The following DIAPH2 variants were observed in gnomAD, a reference collection of about 807,000 sequenced individuals.
The protein encoded by DIAPH2 is diaphanous related formin 2.
DIAPH2 carries 35 observed loss-of-function variants against 92.7 expected under a neutral mutation model. That is an observed-to-expected ratio of 0.38 (90% CI 0.29 to 0.50). The LOEUF is 0.50. DIAPH2 is among the 20% of genes least tolerant of loss of function. DIAPH2 has a pLI of 0.94. For synonymous variants in DIAPH2, 301 were observed against 280.4 expected, an observed-to-expected ratio of 1.07 and a Z score of -0.73; for missense variants, 701 against 819.5, an observed-to-expected ratio of 0.86 and a Z score of 1.77.
At chrX:97,091,428 C>T (rs973311230) in intron 19 of DIAPH2, among the ~76,000 whole-genome samples, 1 of 110,303 alleles carries the variant, frequency 9.1e-6, no homozygotes, top group Non-Finnish European at 1.9e-5. Context: ...AGCTTACTAC[C>T]ATGACCAGCA....
At chrX:97,348,066 G>C in intron 23 of DIAPH2, 50 bp from the exon 24 acceptor site, 2 of 1,121,556 alleles carry the variant, frequency 1.8e-6, no homozygotes, top group Non-Finnish European at 2.4e-6. Context: ...TCTAGTGATT[G>C]ATTGCCTTTA....
rs929183736 is a variant in DIAPH2, at chrX:97,599,360, A to G, written c.*43A>G. 1.0e-6 allele frequency: 1 copy of G among 971,864 alleles called. No individual in the cohort carries two copies. Among genetic ancestry groups the G allele is most frequent in the Non-Finnish European group, 1.4e-6 (1 of 698,879 alleles). 80.1% of individuals were successfully genotyped at this position (971,864 alleles called of 1,213,427 possible). ...TATGAAAATATTTAAGTAAAAACAA[A>G]ATGATGCATTTTGAGAAGAACAAAG... On this transcript the variant is annotated 3_prime_UTR_variant, in exon 27 of 27. Transcript: ENST00000324765.
At chrX:97,356,804 A>T (rs6620266) in intron 24 of DIAPH2, among the ~76,000 whole-genome samples, 33 of 111,759 alleles carry the variant, frequency 3.0e-4, no homozygotes, top group African/African-American at 1.0e-3. Context: ...ATAAAAAAAA[A>T]TACCTACTAG....
chrX:97,017,994 G>A (rs1010844851), intron 17 of DIAPH2, among the ~76,000 whole-genome samples: 1 of 112,358 alleles, frequency 8.9e-6, no homozygotes, highest in African/African-American at 3.2e-5. Flanking sequence ...CAAGGAAATT[G>A]CTGCTTGCAA....
chrX:97,423,569 A>G (rs1254508915), intron 25 of DIAPH2, among the ~76,000 whole-genome samples: 1 of 111,887 alleles, frequency 8.9e-6, no homozygotes, highest in African/African-American at 3.2e-5. Context: ...GAAACATGAA[A>G]AAGAAGGTAC....
intron 23 of DIAPH2, among the ~76,000 whole-genome samples, chrX:97,282,701 T>A (rs1383076519): frequency 3.6e-5 from 4 of 111,977 alleles, no homozygotes; most frequent in Non-Finnish European, 7.5e-5. Flanking sequence ...TTTATTTGCC[T>A]CTTGATAGAT....
chrX:97,368,212 AT>A (rs1054226459), intron 24 of DIAPH2, among the ~76,000 whole-genome samples: 1 of 112,180 alleles, frequency 8.9e-6, no homozygotes, highest in Non-Finnish European at 1.9e-5. Context: ...AGGTCCTATT[AT>A]TTTGACGTGG....
At chrX:97,159,588 G>C (rs1417091334) in intron 22 of DIAPH2, among the ~76,000 whole-genome samples, 1 of 111,819 alleles carries the variant, frequency 8.9e-6, no homozygotes, top group Non-Finnish European at 1.9e-5. Flanking sequence ...CCAAAGATTA[G>C]TGTGTGCCAC....
chrX:97,011,000 C>A (rs2066221253), intron 17 of DIAPH2, among the ~76,000 whole-genome samples: 2 of 111,669 alleles, frequency 1.8e-5, no homozygotes, highest in African/African-American at 6.5e-5. Flanking sequence ...AAAAATTTAC[C>A]CCACATAATA....
rs1569436478 is a variant in DIAPH2 at position 96,962,340 on chromosome X, TATATATATATAC to T, written c.1936-2751_1936-2740del. On this transcript the variant is annotated intron_variant, in intron 16 of 26. Transcript: ENST00000324765. The stretch of plus-strand genomic sequence containing the variant: ...ATATATATACACATATATATATACA[TATATATATATAC>T]ACATATATATATACACATATATATA... 9.4e-4 allele frequency among the ~76,000 whole-genome samples: 37 copies of T among 39,556 alleles called. 1 individual carries two copies. The highest frequency in any genetic ancestry group is 3.4e-3 in the African/African-American group (34 of 10,138). 34.3% of individuals were successfully genotyped at this position (39,556 alleles called of 115,157 possible).
intron 25 of DIAPH2, among the ~76,000 whole-genome samples, chrX:97,393,814 A>G (rs749644845): frequency 8.9e-6 from 1 of 112,102 alleles, no homozygotes; most frequent in African/African-American, 3.2e-5. Flanking sequence ...AACTATAAGC[A>G]TGATTCTTAT....
At chrX:97,180,205 A>G (rs1411491137) in intron 22 of DIAPH2, among the ~76,000 whole-genome samples, 3 of 112,317 alleles carry the variant, frequency 2.7e-5, no homozygotes, top group Admixed American at 1.9e-4. Context: ...CTATTTCTCC[A>G]TAGCCTTGCC....
intron 4 of DIAPH2, among the ~76,000 whole-genome samples, chrX:96,859,610 CTTATTTATTTATTTATTTAT>C (rs35571904): frequency 5.3e-5 from 5 of 94,434 alleles, no homozygotes; most frequent in African/African-American, 7.5e-5. Flanking sequence ...ATAATAGATT[CTTATTTATTTATTTATTTAT>C]TTATTTATTT....
intron 4 of DIAPH2, among the ~76,000 whole-genome samples, chrX:96,813,445 A>G (rs1011763642): frequency 1.8e-5 from 2 of 110,286 alleles, no homozygotes; most frequent in Non-Finnish European, 3.8e-5. Flanking sequence ...TTTCCTGAAT[A>G]CAGCACACTG....
chrX:97,451,868 C>T (rs1487350235), intron 26 of DIAPH2, among the ~76,000 whole-genome samples: 1 of 111,587 alleles, frequency 9.0e-6, no homozygotes, highest in East Asian at 2.8e-4. Flanking sequence ...AGAAATATTG[C>T]CTGTAACCTG....
At chrX:96,795,530 A>G (rs1158421818) in intron 4 of DIAPH2, among the ~76,000 whole-genome samples, 1 of 112,057 alleles carries the variant, frequency 8.9e-6, no homozygotes, top group Non-Finnish European at 1.9e-5. Flanking sequence ...TATTCTACCA[A>G]TTATTGAAGA....
intron 23 of DIAPH2, among the ~76,000 whole-genome samples, chrX:97,254,229 C>T (rs963720592): frequency 1.8e-5 from 2 of 111,430 alleles, no homozygotes; most frequent in Admixed American, 9.5e-5. Flanking sequence ...CGGTGGCTCA[C>T]GCCTGTAATC....
At chrX:97,234,494 T>C (rs924045236) in intron 22 of DIAPH2, among the ~76,000 whole-genome samples, 1 of 111,303 alleles carries the variant, frequency 9.0e-6, no homozygotes, top group African/African-American at 3.3e-5. Context: ...ATCTAGAACA[T>C]GGATCAACAA....
At chrX:97,140,622 G>A (rs993593502) in intron 21 of DIAPH2, among the ~76,000 whole-genome samples, 11 of 111,577 alleles carry the variant, frequency 9.9e-5, no homozygotes, top group Non-Finnish European at 1.9e-4. Flanking sequence ...ACATTGAGAT[G>A]CAAATGGTTG....
Sources: gnomAD v4.1 joint callset for allele counts (sites outside exome capture counted in the v4.1 genomes callset) on GRCh38, gnomAD v4.1.1 for gene constraint, MANE v1.5 for transcripts, NCBI Gene and HGNC (gene_info 2026-07-23, HGNC 2026-07-21) for gene names.